Variants in PIKFYVE observed in about 807,000 individuals in gnomAD.
The protein encoded by PIKFYVE is phosphoinositide kinase, FYVE-type zinc finger containing.
PIKFYVE carries 122 observed loss-of-function variants against 257.9 expected under a neutral mutation model. The observed-to-expected ratio is 0.47, with a 90% CI of 0.41 to 0.55. The LOEUF is 0.55. Ranked by LOEUF, PIKFYVE falls within the 20% of genes least tolerant of loss-of-function variation. The pLI is 0.00. For missense variants in PIKFYVE, 2,160 were observed against 2,536.6 expected (o/e 0.85, Z 3.19); for synonymous variants, 892 against 868.9 (o/e 1.03, Z -0.47).
intron 13 of PIKFYVE, 152 bp from the exon 14 acceptor site, chr2:208,314,142 T>A: frequency 1.4e-6 from 1 of 733,574 alleles, no homozygotes; most frequent in Middle Eastern, 4.1e-4. Flanking sequence ...TTTATTTATA[T>A]GTTTATTACA....
At chr2:208,305,287 A>G in intron 12 of PIKFYVE, 3 of 1,306,502 alleles carry the variant, frequency 2.3e-6, no homozygotes, top group Non-Finnish European at 2.9e-6. Context: ...TCTTCCCATA[A>G]TGTGCAACTT....
chr2:208,341,242 A>T (rs904604462), intron 31 of PIKFYVE, among the ~76,000 whole-genome samples: 2 of 152,032 alleles, frequency 1.3e-5, no homozygotes, highest in African/African-American at 4.8e-5. Flanking sequence ...TCCTGACCTC[A>T]GGTGATCTGC....
chr2:208,288,269 G>A (rs1189785808), intron 6 of PIKFYVE, among the ~76,000 whole-genome samples: 1 of 152,150 alleles, frequency 6.6e-6, no homozygotes, highest in African/African-American at 2.4e-5. Flanking sequence ...GGATGCTGAG[G>A]TTTAGCGAGA....
intron 34 of PIKFYVE, among the ~76,000 whole-genome samples, chr2:208,346,980 C>T (rs1574743889): frequency 6.6e-6 from 1 of 152,188 alleles, no homozygotes; most frequent in East Asian, 1.9e-4. Context: ...AACTGAGGCT[C>T]ATGGCCACTC....
At chr2:208,314,199 C>T in intron 13 of PIKFYVE, 95 bp from the exon 14 acceptor site, 1 of 1,395,490 alleles carries the variant, frequency 7.2e-7, no homozygotes, top group Admixed American at 1.9e-5. Context: ...TAACTTAAAA[C>T]ATTTATAAAG....
rs539058317 is a variant in PIKFYVE at position 208,316,584 on chromosome 2, T to G, written c.2007+1211T>G. On this transcript the variant is annotated intron_variant, in intron 15 of 41. Coordinates refer to ENST00000264380, the MANE Select transcript of PIKFYVE (RefSeq NM_015040.4). ...GATTGCCATTCTAACTGGTGTGAGA[T>G]GGTATCTCATTGTGGTTTTGATTTG... Among the ~76,000 whole-genome samples the G allele has an allele frequency of 6.9e-4, 105 of 152,266 alleles. 1 individual carries two copies. Among genetic ancestry groups the G allele is most frequent in the Middle Eastern group, 3.4e-3 (1 of 294 alleles).
At position 208,333,332 on chromosome 2, in the gene PIKFYVE, T is replaced by A. The variant is rs148513597; in HGVS notation, c.3981T>A (p.Ala1327=). 1.9e-6 allele frequency: 3 copies of A among 1,614,050 alleles called. No homozygotes were observed. In the African/African-American group the frequency reaches 4.0e-5, roughly 22 times the overall value. ...AATTCCAGGTAACACCAGTTGTTGCTCTTTCCAATGAGTCCTGGTCTATGT... is the reference window on the plus strand; with the variant it reads ...AATTCCAGGTAACACCAGTTGTTGCACTTTCCAATGAGTCCTGGTCTATGT... ...RICKQVTPVV[A]LSNESWSMSF... Residue 1327 remains alanine (A), a synonymous_variant, in exon 24 of 42, where the codon GCT becomes GCA. Transcript: ENST00000264380.
rs148284960 is a variant in PIKFYVE, at chr2:208,342,605, A to T, written c.4983A>T (p.Ala1661=). 1.2e-6 allele frequency: 2 copies of T among 1,613,892 alleles called. No individual in the cohort carries two copies. Among genetic ancestry groups the T allele is most frequent in the African/African-American group, 2.7e-5 (2 of 74,916 alleles). ...LMYEHERVPI[A]VCEKEPSSII... ...ATGAACATGAACGAGTGCCCATTGCAGTCTGCGAGAAGGAACCCAGCTCCA... is the reference window on the plus strand; with the variant it reads ...ATGAACATGAACGAGTGCCCATTGCTGTCTGCGAGAAGGAACCCAGCTCCA... Residue 1661 remains alanine, a synonymous_variant, in exon 32 of 42, where the codon GCA becomes GCT. Transcript: ENST00000264380.
intron 7 of PIKFYVE, among the ~76,000 whole-genome samples, chr2:208,291,386 G>T (rs1692297559): frequency 6.6e-6 from 1 of 152,018 alleles, no homozygotes; most frequent in Admixed American, 6.6e-5. Context: ...TACATTGTTG[G>T]ATTGGATTTG....
At chr2:208,317,186 G>A (rs1024987691) in intron 15 of PIKFYVE, among the ~76,000 whole-genome samples, 7 of 151,746 alleles carry the variant, frequency 4.6e-5, no homozygotes, top group Admixed American at 3.9e-4. Flanking sequence ...TACCATCAGA[G>A]TGAACAGGCA....
chr2:208,325,616 G>A lies in PIKFYVE; in HGVS notation c.2805G>A (p.Val935=), dbSNP rs1366116230. 25 of 1,614,024 alleles carry A rather than the reference G, an allele frequency of 1.5e-5. No individual in the cohort carries two copies. Among genetic ancestry groups the A allele is most frequent in the East Asian group, 2.2e-5 (1 of 44,876 alleles). Residue 935 remains valine (V), a synonymous_variant, in exon 20 of 42, where the codon GTG becomes GTA. Transcript: ENST00000264380. ...DDSSLLELRI[V]FEKGEQENKN... ...GCAGTTTGCTGGAATTGAGGATTGT[G>A]TTTGAGAAGGGTGAGCAGGAAAATA...
Position 208,352,719 on chromosome 2 carries a change from C to T in PIKFYVE, c.5781C>T (p.Asn1927=), listed in dbSNP as rs753730216. 2 of 1,613,190 alleles carry T rather than the reference C, an allele frequency of 1.2e-6. No individual in the cohort carries two copies. Among genetic ancestry groups the T allele is most frequent in the East Asian group, 2.2e-5 (1 of 44,840 alleles). Residue 1927 remains asparagine, a synonymous_variant, in exon 39 of 42, where the codon AAC becomes AAT. Transcript: ENST00000264380. ...TTGGTTATAAGAACTCTCAGAACAA[C>T]ACTGAGAAGAAGTTAGATCTCCTTG... ...YRIGYKNSQN[N]TEKKLDLLVM... is the part of the protein sequence containing the mutation.
rs1696649330 is a variant in PIKFYVE, at chr2:208,324,234, G to C, written c.2283G>C (p.Gln761His). 6.2e-7 allele frequency: 1 copy of C among 1,613,908 alleles called. No homozygotes were observed. The highest frequency in any genetic ancestry group is 8.5e-7 in the Non-Finnish European group (1 of 1,179,904). ...LVEKTVSRIA[Q>H]DMLLEHGITL... ...AGAAAACAGTGTCTCGGATTGCCCAGGACATGTTATTGGAACATGGCATTA... is the reference window on the plus strand; with the variant it reads ...AGAAAACAGTGTCTCGGATTGCCCACGACATGTTATTGGAACATGGCATTA... The change falls in exon 18 of 42, where the codon CAG becomes CAC. Residue 761 changes from glutamine (Q) to histidine (H), a missense_variant. By Grantham distance (24) the Gln-to-His change is conservative. Around this residue, in one of 12 missense-constraint regions of PIKFYVE, gnomAD observed 346 missense variants for 365.6 expected, o/e 0.95. Transcript: ENST00000264380.
At chr2:208,268,782 CCTCTTT>C (rs1275483961) in intron 1 of PIKFYVE, among the ~76,000 whole-genome samples, 1 of 151,822 alleles carries the variant, frequency 6.6e-6, no homozygotes, top group Non-Finnish European at 1.5e-5. Context: ...CCTTCCTCTT[CCTCTTT>C]TTCTTCCCCC....
chr2:208,274,456 A>G (rs1478925489), intron 3 of PIKFYVE, among the ~76,000 whole-genome samples: 1 of 152,222 alleles, frequency 6.6e-6, no homozygotes, highest in African/African-American at 2.4e-5. Context: ...GGGATGCAGC[A>G]TTGGGAATTA....
At chr2:208,279,854 A>G (rs934667652) in intron 5 of PIKFYVE, among the ~76,000 whole-genome samples, 2 of 152,204 alleles carry the variant, frequency 1.3e-5, no homozygotes, top group African/African-American at 4.8e-5. Flanking sequence ...AGAAAAAACT[A>G]TTCAAAAATT....
intron 38 of PIKFYVE, among the ~76,000 whole-genome samples, chr2:208,351,795 A>C (rs544780290): frequency 4.6e-5 from 7 of 152,318 alleles, no homozygotes; most frequent in Admixed American, 3.9e-4. Context: ...GCGTGAACTC[A>C]GAGCAAGAAC....
At chr2:208,345,733 G>C (rs550523587) in intron 33 of PIKFYVE, among the ~76,000 whole-genome samples, 99 of 152,260 alleles carry the variant, frequency 6.5e-4, no homozygotes, top group Non-Finnish European at 1.1e-3. Flanking sequence ...ACTAGTGTGA[G>C]AGAAAGGAAT....
At chr2:208,300,508 G>T (rs1422926508) in intron 8 of PIKFYVE, among the ~76,000 whole-genome samples, 3 of 152,166 alleles carry the variant, frequency 2.0e-5, no homozygotes, top group African/African-American at 4.8e-5. Flanking sequence ...TGAGCAGGGA[G>T]TAATTTACTG....
Sources: allele counts gnomAD v4.1 joint callset (sites outside exome capture counted in the v4.1 genomes callset), GRCh38; gene constraint gnomAD v4.1.1; regional missense constraint gnomAD v4.1.1; transcripts MANE v1.5; gene names NCBI Gene and HGNC (gene_info 2026-07-23, HGNC 2026-07-21).